The following PDE1C variants were observed in gnomAD, a reference collection of about 807,000 sequenced individuals.
The protein encoded by PDE1C is dual specificity calcium/calmodulin-dependent 3',5'-cyclic nucleotide phosphodiesterase 1C.
In PDE1C, 62 loss-of-function variants were observed where a neutral mutation model predicts 93.1. The observed-to-expected ratio is 0.67, with a 90% CI of 0.54 to 0.82. The LOEUF is 0.82. PDE1C is among the 40% of genes least tolerant of loss of function. PDE1C has a pLI of 0.00. For missense variants in PDE1C, 742 were observed against 884.6 expected (o/e 0.84, Z 2.04); for synonymous variants, 325 against 310.1 (o/e 1.05, Z -0.50).
chr7:32,322,915 C>G (rs536082403), intron 1 of PDE1C, among the ~76,000 whole-genome samples: 1 of 152,250 alleles, frequency 6.6e-6, no homozygotes, highest in African/African-American at 2.4e-5. Context: ...CCCAGCCTCC[C>G]ATCTCTATTT....
rs115652311 is a variant in PDE1C, at chr7:32,023,617, G to A, written c.128+27937C>T. ...AGCATTAAAAAGGATCAGAATACTGGTATCTACAGTTTATGCTGCGTGAGA... is the reference window on the plus strand; with the variant it reads ...AGCATTAAAAAGGATCAGAATACTGATATCTACAGTTTATGCTGCGTGAGA... On this transcript the variant is annotated intron_variant, in intron 2 of 17. Transcript: ENST00000396191. Among the ~76,000 whole-genome samples the A allele has an allele frequency of 5.0e-3, 745 of 148,100 alleles. 10 individuals carry two copies. Among genetic ancestry groups the A allele is most frequent in the African/African-American group, 0.017 (705 of 40,650 alleles).
At chr7:31,712,282 G>A in the PDE1C span, among the ~76,000 whole-genome samples, 3 of 104,264 alleles carry the variant, frequency 2.9e-5, no homozygotes, top group African/African-American at 4.8e-5. Flanking sequence ...CAGTGAGTGA[G>A]TGAGTGAATG....
At chr7:32,004,125 G>A (rs771111905) in intron 2 of PDE1C, among the ~76,000 whole-genome samples, 1 of 152,058 alleles carries the variant, frequency 6.6e-6, no homozygotes, top group Non-Finnish European at 1.5e-5. Flanking sequence ...CTCAGTTCCT[G>A]GCACCCAAAT....
At chr7:32,183,263 C>T (rs1229081415) in intron 2 of PDE1C, among the ~76,000 whole-genome samples, 1 of 152,076 alleles carries the variant, frequency 6.6e-6, no homozygotes, top group African/African-American at 2.4e-5. Context: ...CCCCATAAAG[C>T]TACCAATGAC....
At chr7:32,298,919 A>C in exon 1 of PDE1C, 2 of 1,353,996 alleles carry the variant, frequency 1.5e-6, no homozygotes, top group Non-Finnish European at 1.9e-6. Flanking sequence ...ACCCAATGTC[A>C]ACAGCTAAAG....
chr7:31,831,333 A>T (rs955026827), intron 11 of PDE1C, among the ~76,000 whole-genome samples: 2 of 152,178 alleles, frequency 1.3e-5, no homozygotes, highest in African/African-American at 4.8e-5. Context: ...CCTAGGAAAA[A>T]TCTGTAATCT....
chr7:32,030,438 A>C (rs753262705), intron 2 of PDE1C, among the ~76,000 whole-genome samples: 1 of 152,270 alleles, frequency 6.6e-6, no homozygotes, highest in East Asian at 1.9e-4. Context: ...CCTTGAATAC[A>C]GAGAAAGTGT....
chr7:32,306,490 C>T (rs1813006148), intron 1 of PDE1C, among the ~76,000 whole-genome samples: 1 of 152,188 alleles, frequency 6.6e-6, no homozygotes, highest in Admixed American at 6.5e-5. Context: ...CCACACACGA[C>T]CCCACCTTAG....
chr7:31,849,996 C>T (rs145825914), intron 8 of PDE1C, among the ~76,000 whole-genome samples: 1 of 152,112 alleles, frequency 6.6e-6, no homozygotes, highest in Non-Finnish European at 1.5e-5. Flanking sequence ...TGTTACAGGT[C>T]AGGAGGTTCC....
chr7:32,070,399 C>A lies in PDE1C; in HGVS notation c.-6G>T. On this transcript the variant is annotated 5_prime_UTR_variant, in exon 1 of 18. Coordinates refer to ENST00000396191, the MANE Select transcript of PDE1C (RefSeq NM_001191057.4). ...TCCTTGGTTGGCGACTCCATAGCTG[C>A]AGGTAGGTGACCACTGGCGGTGAAG... The A allele has an allele frequency of 1.2e-6, 2 of 1,614,106 alleles. No individual in the cohort carries two copies. Among genetic ancestry groups the A allele is most frequent in the Non-Finnish European group, 1.7e-6 (2 of 1,179,976 alleles).
intron 2 of PDE1C, among the ~76,000 whole-genome samples, chr7:32,015,978 G>A (rs910974379): frequency 7.2e-5 from 11 of 152,112 alleles, no homozygotes; most frequent in Non-Finnish European, 1.5e-4. Flanking sequence ...AGGCGGAAAC[G>A]GCTTTCCATA....
the PDE1C span, among the ~76,000 whole-genome samples, chr7:31,649,654 G>A: frequency 6.6e-6 from 1 of 152,126 alleles, no homozygotes; most frequent in Non-Finnish European, 1.5e-5. Flanking sequence ...GATGGCTTTA[G>A]GGCCTAACAA....
intron 1 of PDE1C, among the ~76,000 whole-genome samples, chr7:32,055,173 T>C (rs895928085): frequency 2.0e-5 from 3 of 152,194 alleles, no homozygotes; most frequent in African/African-American, 7.2e-5. Flanking sequence ...TACCCAAAAA[T>C]TGATCAAAAA....
chr7:31,848,917 G>A lies in PDE1C; in HGVS notation c.852-821C>T, dbSNP rs559871773. On this transcript the variant is annotated intron_variant, in intron 8 of 17. Transcript: ENST00000396191. ...GCTGTATCTATCATACCTTGAAACT[G>A]TTAGGCTTAAAATTTTATTCATCAA... 1.7e-4 allele frequency among the ~76,000 whole-genome samples: 26 copies of A among 152,278 alleles called. No individual in the cohort carries two copies. In the South Asian group the frequency reaches 4.8e-3, roughly 28 times the overall value.
intron 3 of PDE1C, among the ~76,000 whole-genome samples, chr7:32,124,845 T>C (rs1312922841): frequency 6.6e-6 from 1 of 152,246 alleles, no homozygotes; most frequent in South Asian, 2.1e-4. Flanking sequence ...CCAAAAGCAA[T>C]TGCAACAAGA....
At chr7:32,157,155 C>G (rs997727360) in intron 3 of PDE1C, among the ~76,000 whole-genome samples, 2 of 152,180 alleles carry the variant, frequency 1.3e-5, no homozygotes, top group Non-Finnish European at 2.9e-5. Context: ...GCAAGAAAGG[C>G]TGAAAAACTG....
chr7:32,390,593 T>C (rs1479146589), intron 1 of PDE1C, among the ~76,000 whole-genome samples: 7 of 145,108 alleles, frequency 4.8e-5, no homozygotes, highest in Admixed American at 2.1e-4. Context: ...ATCCCTATAA[T>C]CCCAGCACTT....
chr7:31,893,955 T>C (rs1161133623), intron 2 of PDE1C, among the ~76,000 whole-genome samples: 1 of 152,232 alleles, frequency 6.6e-6, no homozygotes, highest in Non-Finnish European at 1.5e-5. Context: ...CTTTGTAAGA[T>C]TTGTTTTAAA....
intron 17 of PDE1C, among the ~76,000 whole-genome samples, chr7:31,757,404 C>G (rs1486963398): frequency 1.3e-5 from 2 of 152,160 alleles, no homozygotes; most frequent in Non-Finnish European, 2.9e-5. Context: ...TACTAGTAAA[C>G]ATTTCTTCTA....
Sources: gnomAD v4.1 joint callset for allele counts (sites outside exome capture counted in the v4.1 genomes callset) on GRCh38, gnomAD v4.1.1 for gene constraint, MANE v1.5 for transcripts, NCBI Gene and HGNC (gene_info 2026-07-23, HGNC 2026-07-21) for gene names.